POLD2: variants seen among roughly 807,000 people sequenced by gnomAD.
The protein encoded by POLD2 is DNA polymerase delta 2, accessory subunit, also known as DNA polymerase delta subunit 2.
In POLD2, 31 loss-of-function variants were observed where a neutral mutation model predicts 48.8. That is an observed-to-expected ratio of 0.64 (90% CI 0.48 to 0.86). POLD2 has a LOEUF of 0.86. Among genes scored for constraint, POLD2 ranks in the 40% least tolerant of loss-of-function variants. The probability of loss-of-function intolerance (pLI) is 0.00; values close to 1 mark genes in which losing one functional copy is unlikely to be tolerated. For missense variants in POLD2, 455 were observed against 610.1 expected (o/e 0.75, Z 2.68); for synonymous variants, 233 against 256.3 (o/e 0.91, Z 0.87).
In POLD2 at chr7:44,116,832, C is replaced by A; in HGVS notation, c.765G>T (p.Arg255Ser). Residue 255 changes from arginine to serine, a missense_variant, in exon 6 of 11, where the codon AGG becomes AGT. Transcript: ENST00000610533. The surrounding 1 kb of genome is among the most constrained non-coding windows in gnomAD (Gnocchi z 6.1). ...GGCTCCATACCTTATTGATAGAATC[C>A]CTGCTCTGGGTGCTGTGGCTGAGGA... ...GNLLSHSTQS[R>S]DSINKAKYLT... The A allele has an allele frequency of 6.2e-7, 1 of 1,613,822 alleles. No individual in the cohort carries two copies. Among genetic ancestry groups the A allele is most frequent in the Non-Finnish European group, 8.5e-7 (1 of 1,179,992 alleles).
In POLD2 at chr7:44,117,866, A is replaced by T. The variant is rs2096242702; in HGVS notation, c.342+77T>A. On this transcript the variant is annotated intron_variant, in intron 3 of 10. Transcript: ENST00000610533. Reference sequence around the variant, plus strand: ...ATTGTCTCTGAACCTGCTTCCCCACAACCCCACCTCCAGGGAGGTGTTCTA... The same window carrying T: ...ATTGTCTCTGAACCTGCTTCCCCACTACCCCACCTCCAGGGAGGTGTTCTA... 4 of 1,596,176 alleles carry T rather than the reference A, an allele frequency of 2.5e-6. No homozygotes were observed. The East Asian group carries it at 9.0e-5, about 36-fold the overall frequency.
rs2096248945 is a variant in POLD2 at position 44,122,014 on chromosome 7, G to A, written c.40C>T (p.Leu14=). The change falls in exon 2 of 11, where the codon CTG becomes TTG. Residue 14 remains leucine (L), a synonymous_variant. Coordinates refer to ENST00000610533, the MANE Select transcript of POLD2 (RefSeq NM_006230.4). ...GCATTGTTGGCTGATGGTGGGGACA[G>A]TAGAGTGTGGGCCCTCTGGGCAGCC... The part of the protein sequence containing the change: ...EQAAQRAHTL[L]SPPSANNATF... 6.2e-7 allele frequency: 1 copy of A among 1,613,636 alleles called. No homozygotes were observed. Among genetic ancestry groups the A allele is most frequent in the Non-Finnish European group, 8.5e-7 (1 of 1,180,046 alleles).
Position 44,116,571 on chromosome 7 carries a change from G to A in POLD2, c.781-61C>T. On this transcript the variant is annotated intron_variant, in intron 6 of 10. Coordinates refer to ENST00000610533, the MANE Select transcript of POLD2 (RefSeq NM_006230.4). This position sits in a 1 kb window ranked among gnomAD's most constrained non-coding sequence, Gnocchi z 6.1. ...CGAGTCCCAGGCTCAGAGGAGAGTA[G>A]AGCCCCACCAGCTGGAAGATGCAGT... 3.0e-6 allele frequency: 4 copies of A among 1,328,180 alleles called. No individual in the cohort carries two copies. Among genetic ancestry groups the A allele is most frequent in the Non-Finnish European group, 3.2e-6 (3 of 945,192 alleles). The allele number at this position is 1,328,180 out of a possible 1,614,324, so 82.3% of individuals were successfully genotyped here.
At position 44,114,766 on chromosome 7, in the gene POLD2, T is replaced by G; in HGVS notation, c.*19A>C. 1 of 1,596,420 alleles carries G rather than the reference T, an allele frequency of 6.3e-7. No homozygotes were observed. Among genetic ancestry groups the G allele is most frequent in the Non-Finnish European group, 8.6e-7 (1 of 1,167,558 alleles). On this transcript the variant is annotated 3_prime_UTR_variant, in exon 11 of 11. Coordinates refer to ENST00000610533, the MANE Select transcript of POLD2 (RefSeq NM_006230.4). The stretch of plus-strand genomic sequence containing the variant: ...ACAGCCTCCATCTGGGCCTCTCTGG[T>G]CAAAACCACTTTTTTGAGTCAGGGG...
Position 44,122,506 on chromosome 7 carries a change from T to C in POLD2, c.-56-397A>G, listed in dbSNP as rs375044861. 86 of 972,946 alleles carry C rather than the reference T, an allele frequency of 8.8e-5. No individual in the cohort carries two copies. The African/African-American group carries it at 1.1e-3, about 12-fold the overall frequency. 60.3% of individuals were successfully genotyped at this position (972,946 alleles called of 1,614,324 possible). On this transcript the variant is annotated intron_variant, in intron 1 of 10. Transcript: ENST00000610533. Reference sequence around the variant, plus strand: ...GGTCTGCCTTATTAAATAAAACTTCTGTGAAATAATAAGCCTATTATTAAA... The same window carrying C: ...GGTCTGCCTTATTAAATAAAACTTCCGTGAAATAATAAGCCTATTATTAAA...
intron 2 of POLD2, among the ~76,000 whole-genome samples, chr7:44,118,460 G>A (rs1490475479): frequency 6.6e-6 from 1 of 152,220 alleles, no homozygotes; most frequent in Non-Finnish European, 1.5e-5. Context: ...TTCAACTTCT[G>A]GCCTCCAGAA....
At chr7:44,118,094 T>G (rs1382553648) in intron 2 of POLD2, 30 bp from the exon 3 acceptor site, 1 of 1,611,910 alleles carries the variant, frequency 6.2e-7, no homozygotes, top group Non-Finnish European at 8.5e-7. Context: ...GACTCAGAGA[T>G]GAAGTAGCCC....
intron 1 of POLD2, chr7:44,123,302 C>G: frequency 7.3e-7 from 1 of 1,365,166 alleles, no homozygotes; most frequent in Non-Finnish European, 9.4e-7. Context: ...CTCGAACGTG[C>G]TTGATGGCGG....
chr7:44,117,045 G>A, intron 5 of POLD2, 30 bp from the exon 6 acceptor site: 2 of 1,610,458 alleles, frequency 1.2e-6, no homozygotes, highest in Non-Finnish European at 1.7e-6. Flanking sequence ...CCTCCAGGGT[G>A]CCGAGAAGGG....
rs1583563785 is a variant in POLD2 at position 44,117,190 on chromosome 7, T to A, written c.524A>T (p.Asp175Val). 1 of 1,613,776 alleles carries A rather than the reference T, an allele frequency of 6.2e-7. No homozygotes were observed. ...GGGAGCAAGGTCAGCAAAGCAATAG[T>A]CCTCCACCAGAAACTTCCCGTCGTC... Reference protein sequence around the residue: ...VRDDGKFLVEDYCFADLAPQK... With the variant: ...VRDDGKFLVEVYCFADLAPQK... The change falls in exon 5 of 11, where the codon GAC becomes GTC. Residue 175 changes from aspartate (D) to valine (V), a missense_variant. Transcript: ENST00000610533.
intron 10 of POLD2, 70 bp downstream of exon 10, chr7:44,115,225 T>C: frequency 9.3e-7 from 1 of 1,070,600 alleles, no homozygotes; most frequent in Non-Finnish European, 1.5e-6. Flanking sequence ...GGTTTTCTTC[T>C]CTGTGAACCT....
Position 44,118,074 on chromosome 7 carries a change from G to C in POLD2, c.221-10C>G. On this transcript the variant is annotated splice_polypyrimidine_tract_variant and intron_variant, in intron 2 of 10. Transcript: ENST00000610533. ...ACTCCCACTCCACTGCCTGGGACAC[G>C]AGGGGTACAGACTCAGAGATGAAGT... 1 of 1,613,720 alleles carries C rather than the reference G, an allele frequency of 6.2e-7. No homozygotes were observed.
intron 3 of POLD2, 64 bp from the exon 4 acceptor site, chr7:44,117,806 G>A (rs2096242592): frequency 1.9e-6 from 3 of 1,606,586 alleles, no homozygotes; most frequent in East Asian, 2.2e-5. Flanking sequence ...TGGTGTTAGT[G>A]AGCTGGCACC....
At position 44,117,152 on chromosome 7, in the gene POLD2, G is replaced by A; in HGVS notation, c.562C>T (p.Pro188Ser). The A allele has an allele frequency of 1.2e-6, 2 of 1,613,990 alleles. No individual in the cohort carries two copies. Among genetic ancestry groups the A allele is most frequent in the Middle Eastern group, 1.6e-4 (1 of 6,062 alleles). The change falls in exon 5 of 11, where the codon CCC becomes TCC. Residue 188 changes from proline to serine, a missense_variant. Coordinates refer to ENST00000610533, the MANE Select transcript of POLD2 (RefSeq NM_006230.4). Reference sequence around the variant, plus strand: ...GCTCACCTATCTGTGTCAAGTGGGGGTGCGGGCTTCTGGGGAGCAAGGTCA... The same window carrying A: ...GCTCACCTATCTGTGTCAAGTGGGGATGCGGGCTTCTGGGGAGCAAGGTCA... ...FADLAPQKPA[P>S]PLDTDRFVLL... is the part of the protein sequence containing the mutation.
Position 44,116,645 on chromosome 7 carries a change from C to A in POLD2, c.781-135G>T. ...CCTTCAAGCCTCCCACCATCCTCAG[C>A]GAGGGCCTGGGCATGAGGAGCCCCA... On this transcript the variant is annotated intron_variant, in intron 6 of 10. Coordinates refer to ENST00000610533, the MANE Select transcript of POLD2 (RefSeq NM_006230.4). This position sits in a 1 kb window ranked among gnomAD's most constrained non-coding sequence, Gnocchi z 6.1. The A allele has an allele frequency of 2.0e-6, 2 of 1,003,104 alleles. No homozygotes were observed. 62.1% of individuals were successfully genotyped at this position (1,003,104 alleles called of 1,614,324 possible).
Position 44,116,604 on chromosome 7 carries a change from C to T in POLD2, c.781-94G>A. 1 of 1,123,606 alleles carries T rather than the reference C, an allele frequency of 8.9e-7. No individual in the cohort carries two copies. The highest frequency in any genetic ancestry group is 1.3e-6 in the Non-Finnish European group (1 of 765,560). The allele number at this position is 1,123,606 out of a possible 1,614,324, so 69.6% of individuals were successfully genotyped here. Reference sequence around the variant, plus strand: ...CCAGCTGGAAGATGCAGTTGTTGTCCCATAGACCCTCACTCCCTTCAAGCC... The same window carrying T: ...CCAGCTGGAAGATGCAGTTGTTGTCTCATAGACCCTCACTCCCTTCAAGCC... On this transcript the variant is annotated intron_variant, in intron 6 of 10. Coordinates refer to ENST00000610533, the MANE Select transcript of POLD2 (RefSeq NM_006230.4). This position sits in a 1 kb window ranked among gnomAD's most constrained non-coding sequence, Gnocchi z 6.1.
Position 44,116,896 on chromosome 7 carries a change from C to T in POLD2, c.701G>A (p.Ser234Asn), listed in dbSNP as rs1446214681. The change falls in exon 6 of 11, where the codon AGC (serine) becomes AAC (asparagine). Residue 234 changes from serine (S) to asparagine (N), a missense_variant. Transcript: ENST00000610533. This position sits in a 1 kb window ranked among gnomAD's most constrained non-coding sequence, Gnocchi z 6.1. ...GATAACCCGGGAGACGTGGGCGGCG[C>T]TGCACTGCTCCCCTTCGTCCCCAAG... Reference protein sequence around the residue: ...GQLGDEGEQCSAAHVSRVILA... With the variant: ...GQLGDEGEQCNAAHVSRVILA... 17 of 1,614,016 alleles carry T rather than the reference C, an allele frequency of 1.1e-5. No homozygotes were observed. Among genetic ancestry groups the T allele is most frequent in the Non-Finnish European group, 1.4e-5 (17 of 1,180,022 alleles).
rs550004377 is a variant in POLD2 at position 44,121,411 on chromosome 7, A to G, written c.220+423T>C. Among the ~76,000 whole-genome samples, 137 of 152,322 alleles carry G rather than the reference A, an allele frequency of 9.0e-4. 4 individuals carry two copies. In the South Asian group the frequency reaches 0.027, roughly 30 times the overall value. On this transcript the variant is annotated intron_variant, in intron 2 of 10. Coordinates refer to ENST00000610533, the MANE Select transcript of POLD2 (RefSeq NM_006230.4). The surrounding 1 kb of genome is among the most constrained non-coding windows in gnomAD (Gnocchi z 4.5). ...GGGCCAGGAGGAGAGGCAAACAGACATGAGTGAACAGAGGGGGTCCCCTCG... is the reference window on the plus strand; with the variant it reads ...GGGCCAGGAGGAGAGGCAAACAGACGTGAGTGAACAGAGGGGGTCCCCTCG...
chr7:44,116,582 G>T lies in POLD2; in HGVS notation c.781-72C>A. 1 of 1,238,496 alleles carries T rather than the reference G, an allele frequency of 8.1e-7. No homozygotes were observed. The highest frequency in any genetic ancestry group is 1.5e-5 in the African/African-American group (1 of 66,962). 76.7% of individuals were successfully genotyped at this position (1,238,496 alleles called of 1,614,324 possible). A position where few individuals can be genotyped will look rare whatever the true frequency, so the allele number is the denominator to read the frequency against. On this transcript the variant is annotated intron_variant, in intron 6 of 10. Coordinates refer to ENST00000610533, the MANE Select transcript of POLD2 (RefSeq NM_006230.4). The surrounding 1 kb of genome is among the most constrained non-coding windows in gnomAD (Gnocchi z 6.1). ...CTCAGAGGAGAGTAGAGCCCCACCA[G>T]CTGGAAGATGCAGTTGTTGTCCCAT...
Sources: gnomAD v4.1 joint callset for allele counts (sites outside exome capture counted in the v4.1 genomes callset) on GRCh38, gnomAD v4.1.1 for gene constraint, Gnocchi (gnomAD v3.1) non-coding constraint, MANE v1.5 for transcripts, NCBI Gene and HGNC (gene_info 2026-07-23, HGNC 2026-07-21) for gene names.